Variants in PCDHA10 observed in about 807,000 individuals in gnomAD.
PCDHA10 encodes protocadherin alpha-10.
Under a neutral mutation model 61.2 loss-of-function variants are expected in PCDHA10, and 45 were observed. The observed-to-expected ratio is 0.74, with a 90% CI of 0.58 to 0.94. The LOEUF is 0.94. Ranked by LOEUF, PCDHA10 falls within the 40% of genes least tolerant of loss-of-function variation. The pLI, the probability that PCDHA10 is intolerant of heterozygous loss-of-function variation, is 0.00. For missense variants in PCDHA10, 1,278 were observed against 1,236.2 expected, an observed-to-expected ratio of 1.03 and a Z score of -0.51; for synonymous variants, 602 against 548.8, an observed-to-expected ratio of 1.10 and a Z score of -1.35.
chr5:140,967,084 T>G (rs782593106), intron 1 of PCDHA10: 1 of 1,613,270 alleles, frequency 6.2e-7, no homozygotes, highest in Admixed American at 1.7e-5. Context: ...AGCGCATTGA[T>G]CGGGAGGCGC....
rs115221257 is a variant in PCDHA10 at position 140,951,407 on chromosome 5, A to G, written c.2389-27542A>G. On this transcript the variant is annotated intron_variant, in intron 1 of 3. Transcript: ENST00000307360. ...GGTAATTTATAAAGAAAAGAGGTTTAATTGGCTCACAGTTCCACAGGCTGT... is the reference window on the plus strand; with the variant it reads ...GGTAATTTATAAAGAAAAGAGGTTTGATTGGCTCACAGTTCCACAGGCTGT... Among the ~76,000 whole-genome samples the G allele has an allele frequency of 4.7e-3, 715 of 152,182 alleles. 3 individuals are homozygous for G. Among genetic ancestry groups the G allele is most frequent in the African/African-American group, 0.015 (625 of 41,530 alleles).
Position 140,856,093 on chromosome 5 carries a change from C to T in PCDHA10, c.45C>T (p.Leu15=), listed in dbSNP as rs533343357. 16 of 1,597,146 alleles carry T rather than the reference C, an allele frequency of 1.0e-5. 3 individuals are homozygous for T. Among genetic ancestry groups the T allele is most frequent in the South Asian group, 7.7e-5 (7 of 90,462 alleles). ...CSCLGVQCLL[L]SLLLLAAWEV... ...GCCTGGGGGTCCAGTGTCTGCTGCT[C>T]TCGCTTCTTCTCCTCGCAGCCTGGG... is the stretch of plus-strand genomic sequence containing the variant. Residue 15 remains leucine, a synonymous_variant, in exon 1 of 4, where the codon CTC becomes CTT. Coordinates refer to ENST00000307360, the MANE Select transcript of PCDHA10 (RefSeq NM_018901.4).
intron 1 of PCDHA10, among the ~76,000 whole-genome samples, chr5:140,898,932 A>G (rs1330684874): frequency 6.6e-6 from 1 of 151,964 alleles, no homozygotes; most frequent in Admixed American, 6.6e-5. Flanking sequence ...ATTCCTAAGT[A>G]TTTTATTCTC....
chr5:140,967,665 C>G (rs782126222), intron 1 of PCDHA10: 1 of 1,614,154 alleles, frequency 6.2e-7, no homozygotes. Context: ...AGCAGCTACA[C>G]GTCGGACCGG....
At chr5:140,923,020 G>A (rs946669637) in intron 1 of PCDHA10, among the ~76,000 whole-genome samples, 6 of 152,228 alleles carry the variant, frequency 3.9e-5, no homozygotes, top group Admixed American at 1.3e-4. Context: ...CTGCAGTTTC[G>A]GACTCTATTA....
intron 1 of PCDHA10, chr5:140,969,200 G>C (rs2096305926): frequency 1.2e-6 from 2 of 1,614,132 alleles, no homozygotes; most frequent in Non-Finnish European, 1.7e-6. Flanking sequence ...TTACAATACA[G>C]GGGCCCAGAC....
chr5:140,869,894 T>A lies in PCDHA10; in HGVS notation c.2388+11458T>A, dbSNP rs1234875307. 5 of 1,610,472 alleles carry A rather than the reference T, an allele frequency of 3.1e-6. No individual in the cohort carries two copies. The African/African-American group carries it at 4.0e-5, about 13-fold the overall frequency. On this transcript the variant is annotated intron_variant, in intron 1 of 3. Coordinates refer to ENST00000307360, the MANE Select transcript of PCDHA10 (RefSeq NM_018901.4). ...GCTAAAGAAACTCTTGTGCTCAAAC[T>A]AAACGCCACAGACCGAGACGAAGGA...
At chr5:140,996,832 T>G (rs1338616787) in intron 3 of PCDHA10, among the ~76,000 whole-genome samples, 1 of 152,212 alleles carries the variant, frequency 6.6e-6, no homozygotes, top group African/African-American at 2.4e-5. Flanking sequence ...TACCAATAAT[T>G]TAGCGTGCAT....
chr5:140,934,004 T>G (rs556218652), intron 1 of PCDHA10, among the ~76,000 whole-genome samples: 1 of 152,204 alleles, frequency 6.6e-6, no homozygotes, highest in Non-Finnish European at 1.5e-5. Flanking sequence ...CCTCTCATTT[T>G]TCTTGACTAG....
chr5:140,919,915 A>G (rs1306747919), intron 1 of PCDHA10, among the ~76,000 whole-genome samples: 1 of 152,202 alleles, frequency 6.6e-6, no homozygotes, highest in Non-Finnish European at 1.5e-5. Context: ...AAATTACCCT[A>G]AATTTTCAGG....
At chr5:140,935,310 C>T (rs569890065) in intron 1 of PCDHA10, among the ~76,000 whole-genome samples, 2 of 152,200 alleles carry the variant, frequency 1.3e-5, no homozygotes, top group Non-Finnish European at 2.9e-5. Flanking sequence ...TACTTAACTT[C>T]ATCAATCTTA....
intron 1 of PCDHA10, among the ~76,000 whole-genome samples, chr5:140,931,986 C>G (rs562622204): frequency 2.0e-4 from 30 of 151,912 alleles, no homozygotes; most frequent in African/African-American, 7.0e-4. Flanking sequence ...ATATTTTGCT[C>G]AAATTCTAAG....
intron 1 of PCDHA10, among the ~76,000 whole-genome samples, chr5:140,976,868 CAAAG>C (rs1397427113): frequency 6.6e-5 from 10 of 152,120 alleles, no homozygotes; most frequent in African/African-American, 1.2e-4. Flanking sequence ...TACTGTCTGA[CAAAG>C]AAAGAATTAG....
chr5:140,856,240 G>A lies in PCDHA10; in HGVS notation c.192G>A (p.Arg64=). ...CGGAGCTGGTGCAGCGCCTGTTCCG[G>A]GTGGCGTCCAAAAGACACGGGGACC... ...ELAELVQRLF[R]VASKRHGDLL... The change falls in exon 1 of 4, where the codon CGG becomes CGA. Residue 64 remains arginine (R), a synonymous_variant. Coordinates refer to ENST00000307360, the MANE Select transcript of PCDHA10 (RefSeq NM_018901.4). The A allele has an allele frequency of 6.3e-7, 1 of 1,598,050 alleles. No individual in the cohort carries two copies. Among genetic ancestry groups the A allele is most frequent in the Non-Finnish European group, 8.6e-7 (1 of 1,167,880 alleles).
intron 3 of PCDHA10, among the ~76,000 whole-genome samples, chr5:141,006,916 A>G (rs111263219): frequency 0.011 from 1,648 of 152,304 alleles, 31 homozygotes; most frequent in African/African-American, 0.038. Context: ...TGGGATGCCC[A>G]TGAGATTTCC....
intron 1 of PCDHA10, chr5:140,861,441 C>A: frequency 2.0e-6 from 1 of 493,506 alleles, no homozygotes; most frequent in Non-Finnish European, 4.2e-6. Context: ...TTCCAAAAGC[C>A]GCAGAAACCT....
At chr5:140,991,847 G>A (rs1375292594) in intron 3 of PCDHA10, among the ~76,000 whole-genome samples, 1 of 152,162 alleles carries the variant, frequency 6.6e-6, no homozygotes, top group African/African-American at 2.4e-5. Flanking sequence ...CGCACTTCCA[G>A]ATACCAAAAT....
chr5:140,981,862 T>C (rs1160188291), intron 2 of PCDHA10, among the ~76,000 whole-genome samples: 1 of 152,212 alleles, frequency 6.6e-6, no homozygotes, highest in African/African-American at 2.4e-5. Flanking sequence ...CTCCCAGCAA[T>C]GTTTTATGCT....
rs185756096 is a variant in PCDHA10, at chr5:140,914,471, T to C, written c.2388+56035T>C. On this transcript the variant is annotated intron_variant, in intron 1 of 3. Coordinates refer to ENST00000307360, the MANE Select transcript of PCDHA10 (RefSeq NM_018901.4). The stretch of plus-strand genomic sequence containing the variant: ...ATTTTCCAGTCTATGTGTATCTTCA[T>C]AGGTGAAGTGTTTCTTGTGGGCAAC... Among the ~76,000 whole-genome samples the C allele has an allele frequency of 2.9e-3, 442 of 152,310 alleles. 1 individual carries two copies. Among genetic ancestry groups the C allele is most frequent in the African/African-American group, 0.01 (423 of 41,574 alleles).
Sources: gnomAD v4.1 joint callset for allele counts (sites outside exome capture counted in the v4.1 genomes callset) on GRCh38, gnomAD v4.1.1 for gene constraint, MANE v1.5 for transcripts, NCBI Gene and HGNC (gene_info 2026-07-23, HGNC 2026-07-21) for gene names.